LAMA5: variants seen among roughly 807,000 people sequenced by gnomAD.
LAMA5 encodes the protein laminin subunit alpha-5.
LAMA5 carries 260 observed loss-of-function variants against 433.4 expected under a neutral mutation model. The ratio of observed to expected loss-of-function variants is 0.60; its 90% confidence interval spans 0.54 to 0.66. The LOEUF (loss-of-function observed/expected upper bound fraction) is 0.66, where lower values mean the gene tolerates loss of function less well. Ranked by LOEUF, LAMA5 falls within the 30% of genes least tolerant of loss-of-function variation. The pLI is 0.00. For missense variants in LAMA5, 5,378 were observed against 5,258.5 expected, an observed-to-expected ratio of 1.02 and a Z score of -0.70; for synonymous variants, 2,620 against 2,226.6, an observed-to-expected ratio of 1.18 and a Z score of -4.97.
rs762093822 is a variant in LAMA5, at chr20:62,334,274, G to A, written c.2651C>T (p.Pro884Leu). The A allele has an allele frequency of 1.2e-6, 2 of 1,612,412 alleles. No homozygotes were observed. The highest frequency in any genetic ancestry group is 1.1e-5 in the South Asian group (1 of 90,942). The change falls in exon 22 of 80, where the codon CCT (proline) becomes CTT (leucine). Residue 884 changes from proline to leucine, a missense_variant. Physicochemically the swap from Pro to Leu is moderately conservative, Grantham distance 98 (BLOSUM62 -3). Coordinates refer to ENST00000252999, the MANE Select transcript of LAMA5 (RefSeq NM_005560.6). The stretch of plus-strand genomic sequence containing the variant: ...GCCAAAGCGCACGGCGTGACCCTCA[G>A]GTGTGGCAGCCTCCTCCAGCTCCAG... ...LRLELEEAATPEGHAVRFGFN... is the reference protein window; with the variant it reads ...LRLELEEAATLEGHAVRFGFN...
chr20:62,331,075 G>A lies in LAMA5; in HGVS notation c.3607C>T (p.Arg1203Trp), dbSNP rs148768019. ...EEFSPEFVEP[R>W]VSCISSHGAF... ...CCGTGGCTGCTGATGCAGCTGACCC[G>A]GGGCTCCACGAACTCCGGGCTGAAC... Residue 1203 changes from arginine (R) to tryptophan (W), a missense_variant, in exon 29 of 80, where the codon CGG (arginine) becomes TGG (tryptophan). Physicochemically the swap from Arg to Trp is moderately radical, Grantham distance 101. Coordinates refer to ENST00000252999, the MANE Select transcript of LAMA5 (RefSeq NM_005560.6). The A allele has an allele frequency of 2.0e-5, 32 of 1,604,238 alleles. 1 individual carries two copies. The highest frequency in any genetic ancestry group is 3.3e-4 in the Middle Eastern group (2 of 6,042).
Position 62,309,464 on chromosome 20 carries a change from C to T in LAMA5, c.10960G>A (p.Val3654Met), listed in dbSNP as rs774456711. 72 of 1,580,148 alleles carry T rather than the reference C, an allele frequency of 4.6e-5. No homozygotes were observed. The highest frequency in any genetic ancestry group is 5.4e-5 in the Non-Finnish European group (63 of 1,172,520). ...CAGTAGGCGGGGGGCCAGGGCTGCA[C>T]GGCCATGGGCTCTGGGGGCACAGGG... is the stretch of plus-strand genomic sequence containing the variant. Reference protein sequence around the residue: ...YLGGLPEPMAVQPWPPAYCGC... With the variant: ...YLGGLPEPMAMQPWPPAYCGC... Residue 3654 changes from valine to methionine, a missense_variant, in exon 80 of 80, where the codon GTG becomes ATG. By Grantham distance (21) the Val-to-Met change is conservative. Coordinates refer to ENST00000252999, the MANE Select transcript of LAMA5 (RefSeq NM_005560.6).
At chr20:62,333,277 C>T in intron 25 of LAMA5, 34 bp from the exon 26 acceptor site, 1 of 1,576,578 alleles carries the variant, frequency 6.3e-7, no homozygotes, top group Non-Finnish European at 8.6e-7. Flanking sequence ...AGCCCCAGGT[C>T]CACCCAGGTC....
At chr20:62,346,265 G>A (rs1203512186) in intron 9 of LAMA5, 50 bp from the exon 10 acceptor site, 8 of 1,579,492 alleles carry the variant, frequency 5.1e-6, no homozygotes, top group South Asian at 1.1e-5. Flanking sequence ...GGACTCAAGG[G>A]GTGGGCTCCA....
intron 2 of LAMA5, among the ~76,000 whole-genome samples, chr20:62,361,922 G>A (rs1249198248): frequency 6.6e-6 from 1 of 152,184 alleles, no homozygotes; most frequent in Non-Finnish European, 1.5e-5. Flanking sequence ...TGGAGAGCAG[G>A]CACCCGACCC....
At chr20:62,332,210 C>G (rs545347748) in intron 28 of LAMA5, among the ~76,000 whole-genome samples, 162 bp downstream of exon 28, 19 of 152,180 alleles carry the variant, frequency 1.2e-4, no homozygotes, top group Non-Finnish European at 2.4e-4. Context: ...ATCCACAAAA[C>G]GCTTGCAGGA....
At chr20:62,347,107 C>T (rs6121992) in intron 6 of LAMA5, 79 bp from the exon 7 acceptor site, 2 of 1,063,386 alleles carry the variant, frequency 1.9e-6, no homozygotes, top group Non-Finnish European at 2.8e-6. Flanking sequence ...CTGAAGGGGC[C>T]TGTGATCCCC....
chr20:62,334,070 C>G, intron 22 of LAMA5, 31 bp from the exon 23 acceptor site: 1 of 1,600,090 alleles, frequency 6.2e-7, no homozygotes, highest in Non-Finnish European at 8.5e-7. Context: ...GGGTCACTCT[C>G]CCTGACCACT....
In LAMA5 at chr20:62,334,753, C is replaced by CAGGGCGAGGGTG. The variant is rs1555879652; in HGVS notation, c.2483-133_2483-132insCACCCTCGCCCT. On this transcript the variant is annotated intron_variant, in intron 20 of 79. Transcript: ENST00000252999. ...GAGTCAGGGCTCAGGGCTCAGGGCT[C>CAGGGCGAGGGTG]AGGGCGAGGGCGAGGGCGAGGGTGA... The CAGGGCGAGGGTG allele has an allele frequency of 2.4e-5, 14 of 583,328 alleles. No homozygotes were observed. In the African/African-American group the frequency reaches 2.5e-4, roughly 11 times the overall value. 36.1% of individuals were successfully genotyped at this position (583,328 alleles called of 1,614,324 possible).
At chr20:62,326,245 A>C (rs550551736) in intron 40 of LAMA5, among the ~76,000 whole-genome samples, 6 of 151,894 alleles carry the variant, frequency 4.0e-5, no homozygotes, top group African/African-American at 1.2e-4. Context: ...AAAAAAAAAA[A>C]CAAAGAAAAA....
In LAMA5 at chr20:62,323,503, C is replaced by T. The variant is rs991509141; in HGVS notation, c.6017G>A (p.Cys2006Tyr). The change falls in exon 45 of 80, where the codon TGT becomes TAT. Residue 2006 changes from cysteine to tyrosine, a missense_variant. Transcript: ENST00000252999. ...RHTTGPRCEI[C>Y]APGFYGNALL... is the part of the protein sequence containing the mutation. Reference sequence around the variant, plus strand: ...GGCGTTGCCGTAGAAGCCGGGGGCACAGATCTCGCAGCGGGGCCCAGTGGT... The same window carrying T: ...GGCGTTGCCGTAGAAGCCGGGGGCATAGATCTCGCAGCGGGGCCCAGTGGT... 14 of 1,561,190 alleles carry T rather than the reference C, an allele frequency of 9.0e-6. No homozygotes were observed. Among genetic ancestry groups the T allele is most frequent in the Non-Finnish European group, 1.2e-5 (14 of 1,155,432 alleles).
intron 57 of LAMA5, 61 bp downstream of exon 57, chr20:62,316,610 G>A: frequency 1.5e-6 from 2 of 1,309,044 alleles, no homozygotes; most frequent in Non-Finnish European, 2.1e-6. Context: ...GGGGGCTGAG[G>A]GTCCCTGGGA....
At position 62,346,817 on chromosome 20, in the gene LAMA5, G is replaced by A. The variant is rs377102788; in HGVS notation, c.1073-17C>T. On this transcript the variant is annotated splice_polypyrimidine_tract_variant and intron_variant, in intron 7 of 79. Transcript: ENST00000252999. ...AGTTACAGGCTAGAGAGAGGGGAGC[G>A]CAGCTGTTGGCACGCCCTCCACAGG... The A allele has an allele frequency of 4.5e-5, 73 of 1,608,292 alleles. No individual in the cohort carries two copies. The highest frequency in any genetic ancestry group is 1.1e-4 in the South Asian group (10 of 90,906).
rs1978867243 is a variant in LAMA5, at chr20:62,324,290, ACT to A, written c.5644-88_5644-87del. 6.5e-7 allele frequency: 1 copy of A among 1,528,518 alleles called. No individual in the cohort carries two copies. The highest frequency in any genetic ancestry group is 8.8e-7 in the Non-Finnish European group (1 of 1,133,546). 94.7% of individuals were successfully genotyped at this position (1,528,518 alleles called of 1,614,324 possible). On this transcript the variant is annotated intron_variant, in intron 42 of 79. Coordinates refer to ENST00000252999, the MANE Select transcript of LAMA5 (RefSeq NM_005560.6). This position sits in a 1 kb window ranked among gnomAD's most constrained non-coding sequence, Gnocchi z 4.4. ...GCAGCTCCCACCACCCCTGCCTCAG[ACT>A]CTGTGCCCAAGGCCAGATGGTCCCC...
Position 62,311,686 on chromosome 20 carries a change from A to G in LAMA5, c.9734T>C (p.Leu3245Pro). The change falls in exon 71 of 80, where the codon CTC becomes CCC. Residue 3245 changes from leucine (L) to proline (P), a missense_variant. Physicochemically the swap from Leu to Pro is moderately conservative, Grantham distance 98 (BLOSUM62 -3). Transcript: ENST00000252999. ...GCCAGACTCAGGCAGGCCTCCCAGG[A>G]GGAGCCTCGGGGGCCCCTCAGGCTG... ...QPQPEGPPRL[L>P]LGGLPESGTI... 6.3e-7 allele frequency: 1 copy of G among 1,585,412 alleles called. No homozygotes were observed. Among genetic ancestry groups the G allele is most frequent in the Non-Finnish European group, 8.6e-7 (1 of 1,166,924 alleles).
intron 58 of LAMA5, among the ~76,000 whole-genome samples, chr20:62,315,687 A>G (rs1986861929): frequency 6.6e-6 from 1 of 152,032 alleles, no homozygotes; most frequent in Non-Finnish European, 1.5e-5. Flanking sequence ...ATCCCCCCCA[A>G]GGCCTACAGC....
At position 62,320,598 on chromosome 20, in the gene LAMA5, GCTC is replaced by G. The variant is rs777183674; in HGVS notation, c.6717_6719del (p.Gln2239_Ser2240delinsHis). On this transcript the variant is annotated inframe_deletion, in exon 50 of 80. Transcript: ENST00000252999. ...GCCGTGCGTCCTGCCCGAGGCTTGTGCTCTGCTGCTCCAGCACCTCCAGCTGCT... is the reference window on the plus strand; with the variant it reads ...GCCGTGCGTCCTGCCCGAGGCTTGTGTGCTGCTCCAGCACCTCCAGCTGCT... 8.7e-6 allele frequency: 14 copies of G among 1,606,120 alleles called. No individual in the cohort carries two copies. The highest frequency in any genetic ancestry group is 1.0e-5 in the Non-Finnish European group (12 of 1,178,904).
intron 2 of LAMA5, among the ~76,000 whole-genome samples, chr20:62,358,438 T>A (rs1985568237): frequency 6.6e-6 from 1 of 152,166 alleles, no homozygotes; most frequent in Non-Finnish European, 1.5e-5. Flanking sequence ...TTCCTGTCCT[T>A]CCCTGGACAA....
Position 62,316,589 on chromosome 20 carries a change from T to C in LAMA5, c.7756+82A>G, listed in dbSNP as rs74616554. On this transcript the variant is annotated intron_variant, in intron 57 of 79. Transcript: ENST00000252999. ...TGCGGTGACCCACAAACCCCACGTGTGCATGTGGCTGGGGGCTGAGGGTCC... is the reference window on the plus strand; with the variant it reads ...TGCGGTGACCCACAAACCCCACGTGCGCATGTGGCTGGGGGCTGAGGGTCC... 3,268 of 1,075,522 alleles carry C rather than the reference T, an allele frequency of 3.0e-3. 83 individuals carry two copies. In the African/African-American group the frequency reaches 0.045, roughly 15 times the overall value. The allele number at this position is 1,075,522 out of a possible 1,614,324, so 66.6% of individuals were successfully genotyped here.
Sources: allele counts gnomAD v4.1 joint callset (sites outside exome capture counted in the v4.1 genomes callset), GRCh38; gene constraint gnomAD v4.1.1; non-coding constraint Gnocchi (gnomAD v3.1); transcripts MANE v1.5; gene names NCBI Gene and HGNC (gene_info 2026-07-23, HGNC 2026-07-21).